Variants in PRUNE2 observed in about 807,000 individuals in gnomAD.
The protein encoded by PRUNE2 is protein prune homolog 2.
In PRUNE2, 164 loss-of-function variants were observed where a neutral mutation model predicts 252.0. The ratio of observed to expected loss-of-function variants is 0.65; its 90% confidence interval spans 0.57 to 0.74. PRUNE2 has a LOEUF of 0.74. Among genes scored for constraint, PRUNE2 ranks in the 30% least tolerant of loss-of-function variants. The pLI is 0.00. For synonymous variants in PRUNE2, 1,292 were observed against 1,350.2 expected, an observed-to-expected ratio of 0.96 and a Z score of 0.94; for missense variants, 3,495 against 3,711.0, an observed-to-expected ratio of 0.94 and a Z score of 1.51.
rs780565364 is a variant in PRUNE2 at position 76,705,860 on chromosome 9, C to G, written c.6414G>C (p.Glu2138Asp). 6.2e-6 allele frequency: 10 copies of G among 1,613,628 alleles called. No individual in the cohort carries two copies. The Admixed American group carries it at 1.7e-4, about 27-fold the overall frequency. The change falls in exon 8 of 19, where the codon GAG (glutamate) becomes GAC (aspartate). Residue 2138 changes from glutamate (E) to aspartate (D), a missense_variant. Physicochemically the swap from Glu to Asp is conservative, Grantham distance 45. Coordinates refer to ENST00000376718, the MANE Select transcript of PRUNE2 (RefSeq NM_015225.3). ...AAATGGGTTCTTCATCTATCTCTGG[C>G]TCAGTGAGACAAAGCTCACTGGATT... is the stretch of plus-strand genomic sequence containing the variant. The part of the protein sequence containing the change: ...EVESSELCLT[E>D]PEIDEEPIYE...
Position 76,823,711 on chromosome 9 carries a change from T to A in PRUNE2, c.677A>T (p.Gln226Leu). The change falls in exon 6 of 19, where the codon CAG (glutamine) becomes CTG (leucine). Residue 226 changes from glutamine (Q) to leucine (L), a missense_variant. Gln to Leu is a moderately radical substitution (Grantham distance 113). Coordinates refer to ENST00000376718, the MANE Select transcript of PRUNE2 (RefSeq NM_015225.3). The part of the protein sequence containing the change: ...QFSAQGLSIE[Q>L]TMLKDLKELS... ...CTCCTTTAGATCTTTCAACATTGTC[T>A]GTTCAATACTTAAACCTGTGGATGA... is the stretch of plus-strand genomic sequence containing the variant. The A allele has an allele frequency of 6.2e-7, 1 of 1,606,860 alleles. No homozygotes were observed. The highest frequency in any genetic ancestry group is 1.1e-5 in the South Asian group (1 of 90,908).
chr9:76,893,192 C>T (rs1208821062), intron 1 of PRUNE2, among the ~76,000 whole-genome samples: 3 of 152,164 alleles, frequency 2.0e-5, no homozygotes, highest in African/African-American at 7.2e-5. Context: ...GTTCAGTGAG[C>T]CATGATCTTG....
At chr9:76,631,723 G>A (rs567121382) in intron 15 of PRUNE2, among the ~76,000 whole-genome samples, 6 of 152,250 alleles carry the variant, frequency 3.9e-5, no homozygotes, top group Middle Eastern at 6.8e-3. Flanking sequence ...TTTTACATGG[G>A]TAAACTGCAT....
chr9:76,833,103 C>T (rs2058754783), intron 4 of PRUNE2, among the ~76,000 whole-genome samples: 1 of 151,386 alleles, frequency 6.6e-6, no homozygotes, highest in African/African-American at 2.4e-5. Context: ...GAGAGATTTC[C>T]CAAAAGTCTA....
At chr9:76,855,064 C>CAAAAAAAAAAA (rs772890225) in intron 1 of PRUNE2, among the ~76,000 whole-genome samples, 1 of 78,178 alleles carries the variant, frequency 1.3e-5, no homozygotes, top group African/African-American at 6.2e-5. Flanking sequence ...GACTCCATCT[C>CAAAAAAAAAAA]AAAAAAAAAA....
chr9:76,822,822 A>G (rs2058113158), intron 6 of PRUNE2, among the ~76,000 whole-genome samples: 1 of 152,172 alleles, frequency 6.6e-6, no homozygotes, highest in Non-Finnish European at 1.5e-5. Context: ...AAAAGAAAAA[A>G]AAAAGAATGG....
intron 1 of PRUNE2, among the ~76,000 whole-genome samples, chr9:76,904,459 ACT>A (rs776662857): frequency 8.6e-5 from 13 of 152,024 alleles, no homozygotes; most frequent in Non-Finnish European, 1.8e-4. Flanking sequence ...ACAGCCCAGA[ACT>A]CTGTGTTTGT....
intron 6 of PRUNE2, among the ~76,000 whole-genome samples, chr9:76,767,821 A>G (rs1292871679): frequency 6.6e-6 from 1 of 152,120 alleles, no homozygotes; most frequent in Non-Finnish European, 1.5e-5. Flanking sequence ...CTTCTATCCG[A>G]ACACTGTCCT....
chr9:76,648,299 A>G (rs1487706111), intron 11 of PRUNE2, among the ~76,000 whole-genome samples: 1 of 152,178 alleles, frequency 6.6e-6, no homozygotes, highest in Non-Finnish European at 1.5e-5. Context: ...CTTACAATCT[A>G]GCCATCATAC....
At chr9:76,623,916 T>A (rs700808) in intron 17 of PRUNE2, among the ~76,000 whole-genome samples, 141,779 of 152,304 alleles carry the variant, frequency 0.93, 66,126 homozygotes, top group Admixed American at 0.96. Flanking sequence ...CTTTTTGAGA[T>A]TCATACTTTA....
intron 6 of PRUNE2, among the ~76,000 whole-genome samples, chr9:76,765,234 A>G (rs991159478): frequency 6.6e-6 from 1 of 152,216 alleles, no homozygotes; most frequent in African/African-American, 2.4e-5. Context: ...GAGCCAGCAA[A>G]GGAAACAGAA....
intron 1 of PRUNE2, among the ~76,000 whole-genome samples, chr9:76,858,419 T>C (rs1041121675): frequency 1.3e-5 from 2 of 152,190 alleles, no homozygotes; most frequent in Admixed American, 6.5e-5. Context: ...CATGGAATAC[T>C]ATGCAGCCAT....
intron 1 of PRUNE2, among the ~76,000 whole-genome samples, chr9:76,858,816 GT>G (rs1243398357): frequency 6.6e-6 from 1 of 151,932 alleles, no homozygotes; most frequent in East Asian, 1.9e-4. Context: ...AGGTCTGTAG[GT>G]TAGGTAAGTG....
In PRUNE2 at chr9:76,713,713, T is replaced by C. The variant is rs372025498; in HGVS notation, c.765A>G (p.Leu255=). 5.4e-5 allele frequency: 86 copies of C among 1,591,618 alleles called. No individual in the cohort carries two copies. Among genetic ancestry groups the C allele is most frequent in the African/African-American group, 9.4e-5 (7 of 74,606 alleles). Residue 255 remains leucine, a synonymous_variant, in exon 7 of 19, where the codon CTA becomes CTG. Transcript: ENST00000376718. ...STVSMNLENC[L]FHSNITSDLK... ...AGTCACTGGTAATATTGCTGTGAAA[T>C]AGACAATTCTGAAACGACAACAGGA...
At chr9:76,696,570 T>G (rs766332175) in intron 9 of PRUNE2, among the ~76,000 whole-genome samples, 1 of 152,050 alleles carries the variant, frequency 6.6e-6, no homozygotes, top group East Asian at 1.9e-4. Flanking sequence ...GGACTACAGG[T>G]GCCCGCCACC....
At chr9:76,624,379 G>A in intron 17 of PRUNE2, 73 bp downstream of exon 17, 1 of 1,017,810 alleles carries the variant, frequency 9.8e-7, no homozygotes, top group South Asian at 3.0e-5. Flanking sequence ...CACCAGGCAT[G>A]CAGATTTTCC....
intron 4 of PRUNE2, among the ~76,000 whole-genome samples, chr9:76,833,534 G>A (rs1202065633): frequency 2.0e-5 from 3 of 152,132 alleles, no homozygotes; most frequent in Admixed American, 1.3e-4. Flanking sequence ...GGGAGGCTGA[G>A]GTGGGCGGAT....
In PRUNE2 at chr9:76,645,501, C is replaced by A. The variant is rs577873370; in HGVS notation, c.8558-592G>T. Among the ~76,000 whole-genome samples, 5 of 152,194 alleles carry A rather than the reference C, an allele frequency of 3.3e-5. No individual in the cohort carries two copies. In the South Asian group the frequency reaches 1.0e-3, roughly 32 times the overall value. On this transcript the variant is annotated intron_variant, in intron 11 of 18. Transcript: ENST00000376718. The stretch of plus-strand genomic sequence containing the variant: ...TGTTTCAAAATATGCCACACCAAGA[C>A]TTTATAGTGAGAAACAAACAACTTT...
chr9:76,632,280 C>A (rs1837995821), intron 15 of PRUNE2, among the ~76,000 whole-genome samples: 1 of 152,212 alleles, frequency 6.6e-6, no homozygotes, highest in Non-Finnish European at 1.5e-5. Flanking sequence ...ATAGATGCTA[C>A]CCTTCAGTAG....
Sources: gnomAD v4.1 joint callset for allele counts (sites outside exome capture counted in the v4.1 genomes callset) on GRCh38, gnomAD v4.1.1 for gene constraint, MANE v1.5 for transcripts, NCBI Gene and HGNC (gene_info 2026-07-23, HGNC 2026-07-21) for gene names.